Variants in PHACTR1 observed in about 807,000 individuals in gnomAD.
The protein encoded by PHACTR1 is phosphatase and actin regulator 1, also known as RPEL repeat containing 1.
PHACTR1 carries 16 observed loss-of-function variants against 69.2 expected under a neutral mutation model. That is an observed-to-expected ratio of 0.23 (90% CI 0.16 to 0.35). The LOEUF is 0.35. Ranked by LOEUF, PHACTR1 falls within the 10% of genes least tolerant of loss-of-function variation. PHACTR1 has a pLI of 1.00. For synonymous variants in PHACTR1, 312 were observed against 284.5 expected (o/e 1.10, Z -0.97); for missense variants, 510 against 734.7 (o/e 0.69, Z 3.54).
chr6:12,793,685 C>T (rs543624907), intron 4 of PHACTR1, among the ~76,000 whole-genome samples: 10 of 152,262 alleles, frequency 6.6e-5, no homozygotes, highest in African/African-American at 2.4e-4. Context: ...ATTTATGATT[C>T]TCAAATTAGT....
intron 5 of PHACTR1, among the ~76,000 whole-genome samples, chr6:13,070,661 G>A (rs775014148): frequency 3.3e-5 from 5 of 152,092 alleles, no homozygotes; most frequent in Admixed American, 1.3e-4. Context: ...TATCTGGGTA[G>A]GTAAGTTTTA....
At chr6:12,827,072 A>C (rs561702427) in intron 4 of PHACTR1, among the ~76,000 whole-genome samples, 10 of 152,316 alleles carry the variant, frequency 6.6e-5, no homozygotes, top group African/African-American at 2.4e-4. Flanking sequence ...TCTGTGCATA[A>C]AGCTGATAGT....
At chr6:13,041,527 C>T (rs774012180) in intron 4 of PHACTR1, among the ~76,000 whole-genome samples, 8 of 152,050 alleles carry the variant, frequency 5.3e-5, no homozygotes, top group Admixed American at 1.3e-4. Flanking sequence ...CATAAGGAAA[C>T]AGGGTAATGT....
intron 6 of PHACTR1, among the ~76,000 whole-genome samples, chr6:13,181,423 T>C (rs1466567885): frequency 6.6e-6 from 1 of 152,252 alleles, no homozygotes; most frequent in Admixed American, 6.5e-5. Flanking sequence ...TAGTCTTTCA[T>C]CTGGTGTTTA....
At chr6:13,073,225 C>CAACA (rs369087282) in intron 5 of PHACTR1, among the ~76,000 whole-genome samples, 1 of 119,704 alleles carries the variant, frequency 8.4e-6, no homozygotes, top group Non-Finnish European at 1.7e-5. Flanking sequence ...ACAGGATTAA[C>CAACA]AAAAAAAAAA....
chr6:12,957,663 G>A, intron 4 of PHACTR1: 1 of 985,618 alleles, frequency 1.0e-6, no homozygotes, highest in Non-Finnish European at 1.2e-6. Context: ...CTCTGAGTGA[G>A]GCTGGAGAGA....
At chr6:12,739,863 CAT>C (rs1421119952) in intron 3 of PHACTR1, among the ~76,000 whole-genome samples, 3 of 152,174 alleles carry the variant, frequency 2.0e-5, no homozygotes, top group Admixed American at 2.0e-4. Flanking sequence ...TGATATATAA[CAT>C]GTGTAGAGCA....
intron 4 of PHACTR1, among the ~76,000 whole-genome samples, chr6:12,902,595 T>A (rs1278709781): frequency 1.3e-5 from 2 of 152,168 alleles, no homozygotes; most frequent in Non-Finnish European, 2.9e-5. Flanking sequence ...TCCCAGTTCA[T>A]CTCTGTGGTA....
intron 4 of PHACTR1, among the ~76,000 whole-genome samples, chr6:12,794,480 T>C (rs1390661643): frequency 6.6e-5 from 10 of 152,192 alleles, no homozygotes; most frequent in Non-Finnish European, 1.5e-4. Context: ...AGCAGCCCTA[T>C]GCAATAGAAA....
At chr6:13,012,502 A>C (rs903652147) in intron 4 of PHACTR1, among the ~76,000 whole-genome samples, 1 of 152,206 alleles carries the variant, frequency 6.6e-6, no homozygotes, top group African/African-American at 2.4e-5. Context: ...TGTGACTCAG[A>C]GTGAATGCAG....
chr6:13,237,871 T>C (rs981485849), intron 10 of PHACTR1, among the ~76,000 whole-genome samples: 1 of 152,236 alleles, frequency 6.6e-6, no homozygotes, highest in African/African-American at 2.4e-5. Context: ...AACACAATGG[T>C]ATTTGTGCAT....
intron 5 of PHACTR1, among the ~76,000 whole-genome samples, chr6:13,141,614 T>C (rs1822459153): frequency 6.6e-6 from 1 of 152,148 alleles, no homozygotes; most frequent in African/African-American, 2.4e-5. Flanking sequence ...GTGAGGATGA[T>C]GGCGTTCTGT....
At chr6:12,805,431 T>C (rs1774190790) in intron 4 of PHACTR1, among the ~76,000 whole-genome samples, 1 of 152,170 alleles carries the variant, frequency 6.6e-6, no homozygotes, top group African/African-American at 2.4e-5. Context: ...ACAATCCTCG[T>C]CACCACTCAG....
intron 4 of PHACTR1, among the ~76,000 whole-genome samples, chr6:12,959,179 AAAAAAAAAAAAAAAAAGAAAAG>A (rs1478059134): frequency 9.6e-6 from 1 of 104,026 alleles, no homozygotes; most frequent in African/African-American, 6.6e-5. Context: ...TTTATCTCAA[AAAAAAAAAAAAAAAAAGAAAAG>A]AAAAAAAAAA....
intron 4 of PHACTR1, among the ~76,000 whole-genome samples, chr6:12,759,468 T>C (rs545527320): frequency 6.6e-6 from 1 of 150,778 alleles, no homozygotes; most frequent in South Asian, 2.1e-4. Flanking sequence ...CCTACTTTGG[T>C]ACTAAATGGC....
intron 7 of PHACTR1, among the ~76,000 whole-genome samples, chr6:13,190,028 T>TC (rs965556640): frequency 4.8e-5 from 7 of 147,002 alleles, no homozygotes; most frequent in African/African-American, 1.6e-4. Context: ...TTCTGCTTTT[T>TC]TTTTTTTTTT....
chr6:13,000,580 G>A (rs1465107256), intron 4 of PHACTR1, among the ~76,000 whole-genome samples: 1 of 144,112 alleles, frequency 6.9e-6, no homozygotes, highest in Non-Finnish European at 1.5e-5. Context: ...GAGAGTGGGA[G>A]GGGGAGAAAG....
At chr6:13,226,266 T>G (rs1769673895) in intron 8 of PHACTR1, among the ~76,000 whole-genome samples, 1 of 152,308 alleles carries the variant, frequency 6.6e-6, no homozygotes, top group East Asian at 1.9e-4. Context: ...AAAACAGCTC[T>G]TTGCAAACAA....
intron 6 of PHACTR1, among the ~76,000 whole-genome samples, chr6:13,166,391 G>A (rs1759816236): frequency 6.6e-6 from 1 of 152,048 alleles, no homozygotes. Flanking sequence ...GCAGGGCAGG[G>A]GTCTTCGTCT....
Sources: allele counts gnomAD v4.1 joint callset (sites outside exome capture counted in the v4.1 genomes callset), GRCh38; gene constraint gnomAD v4.1.1; transcripts MANE v1.5; gene names NCBI Gene and HGNC (gene_info 2026-07-23, HGNC 2026-07-21).